OTOP1: variants seen among roughly 807,000 people sequenced by gnomAD.
The protein encoded by OTOP1 is proton channel OTOP1.
A neutral mutation model predicts 52.9 loss-of-function variants in OTOP1; 59 were observed. The observed-to-expected ratio is 1.12, with a 90% CI of 0.91 to 1.39. The LOEUF is 1.39. Ranked by LOEUF, OTOP1 falls within the 40% of genes most tolerant of loss-of-function variation. The pLI is 0.00. For synonymous variants in OTOP1, 317 were observed against 337.7 expected (o/e 0.94, Z 0.67); for missense variants, 761 against 800.9 (o/e 0.95, Z 0.60).
chr4:4,202,654 C>G (rs1716815577), intron 3 of OTOP1, 76 bp from the exon 4 acceptor site: 1 of 1,549,614 alleles, frequency 6.5e-7, no homozygotes, highest in African/African-American at 1.4e-5. Flanking sequence ...CAGACGTGTG[C>G]ACACAAATAC....
intron 1 of OTOP1, among the ~76,000 whole-genome samples, chr4:4,213,919 T>C (rs1401617979): frequency 1.3e-5 from 2 of 152,088 alleles, no homozygotes; most frequent in East Asian, 3.9e-4. Context: ...GTGAAACCCG[T>C]CTCTACTAAT....
At chr4:4,210,126 A>G (rs900228590) in intron 2 of OTOP1, among the ~76,000 whole-genome samples, 17 of 152,236 alleles carry the variant, frequency 1.1e-4, no homozygotes, top group Admixed American at 1.0e-3. Context: ...GGTGTGTGCC[A>G]TAGATTTTGC....
At chr4:4,199,648 T>G (rs1041827187) in intron 4 of OTOP1, among the ~76,000 whole-genome samples, 5 of 152,158 alleles carry the variant, frequency 3.3e-5, no homozygotes, top group Non-Finnish European at 5.9e-5. Flanking sequence ...CCTGAGCTCA[T>G]GAGATCCGCC....
At chr4:4,194,883 C>G (rs1716589150) in intron 5 of OTOP1, among the ~76,000 whole-genome samples, 1 of 152,152 alleles carries the variant, frequency 6.6e-6, no homozygotes, top group Admixed American at 6.5e-5. Flanking sequence ...TTAAAAAAAT[C>G]CCAACTGCAC....
intron 2 of OTOP1, among the ~76,000 whole-genome samples, chr4:4,208,456 A>G (rs1716955706): frequency 6.6e-6 from 1 of 152,220 alleles, no homozygotes; most frequent in African/African-American, 2.4e-5. Flanking sequence ...AAAAGGAAGA[A>G]AATTCTGATA....
chr4:4,201,856 G>A (rs897376757), intron 4 of OTOP1, among the ~76,000 whole-genome samples: 60 of 152,244 alleles, frequency 3.9e-4, no homozygotes, highest in African/African-American at 1.3e-3. Context: ...CCCTCAGCCT[G>A]AATGTTCTCA....
rs1383851463 is a variant in OTOP1, at chr4:4,219,990, T to C, written c.403+6472A>G. Among the ~76,000 whole-genome samples, 199 of 99,558 alleles carry C rather than the reference T, an allele frequency of 2.0e-3. 1 individual carries two copies. The highest frequency in any genetic ancestry group is 8.6e-3 in the African/African-American group (184 of 21,308). The allele number at this position is 99,558 out of a possible 152,430, so 65.3% of individuals were successfully genotyped here. On this transcript the variant is annotated intron_variant, in intron 1 of 5. Transcript: ENST00000296358. The stretch of plus-strand genomic sequence containing the variant: ...ACATATATACACATATATACGTATA[T>C]AGGTGTATATACATATATATGTATA...
chr4:4,196,273 CA>C (rs1716622010), intron 5 of OTOP1, among the ~76,000 whole-genome samples: 1 of 151,960 alleles, frequency 6.6e-6, no homozygotes, highest in Non-Finnish European at 1.5e-5. Context: ...AAGTTTTGGC[CA>C]GGCGTGGGAG....
At chr4:4,217,436 C>A (rs10001663) in intron 1 of OTOP1, among the ~76,000 whole-genome samples, 100 of 152,324 alleles carry the variant, frequency 6.6e-4, no homozygotes, top group African/African-American at 2.3e-3. Flanking sequence ...TTACTCCCAG[C>A]TAAGATGTCG....
rs151144007 is a variant in OTOP1, at chr4:4,199,220, T to TTGTGTG, written c.731-1123_731-1118dup. 8.0e-3 allele frequency among the ~76,000 whole-genome samples: 431 copies of TTGTGTG among 54,168 alleles called. 49 individuals are homozygous for TTGTGTG. Among genetic ancestry groups the TTGTGTG allele is most frequent in the African/African-American group, 0.032 (365 of 11,392 alleles). The allele number at this position is 54,168 out of a possible 152,430, so 35.5% of individuals were successfully genotyped here. A position where few individuals can be genotyped will look rare whatever the true frequency, so the allele number is the denominator to read the frequency against. ...TAATTTAAAAAAAACTCAGGTAAAA[T>TTGTGTG]TGTGTGTGTGTGTGAGAGAGAGAGA... On this transcript the variant is annotated intron_variant, in intron 4 of 5. Transcript: ENST00000296358.
intron 1 of OTOP1, among the ~76,000 whole-genome samples, chr4:4,221,987 C>T (rs1484060985): frequency 2.0e-5 from 3 of 152,134 alleles, no homozygotes; most frequent in African/African-American, 7.2e-5. Flanking sequence ...ATCTTCTTCC[C>T]TGGAGCTTCT....
At chr4:4,205,302 TTC>T (rs1716877258) in intron 3 of OTOP1, among the ~76,000 whole-genome samples, 1 of 152,214 alleles carries the variant, frequency 6.6e-6, no homozygotes, top group Admixed American at 6.5e-5. Flanking sequence ...AAATAGATTC[TTC>T]TCTACAATAC....
At chr4:4,221,259 T>A (rs1199745209) in intron 1 of OTOP1, among the ~76,000 whole-genome samples, 1 of 151,564 alleles carries the variant, frequency 6.6e-6, no homozygotes, top group Admixed American at 6.6e-5. Context: ...TCTACAAAAA[T>A]CAATTTTAAG....
Position 4,198,029 on chromosome 4 carries a change from A to G in OTOP1, c.805T>C (p.Tyr269His), listed in dbSNP as rs1226344100. The G allele has an allele frequency of 3.7e-6, 6 of 1,613,998 alleles. No individual in the cohort carries two copies. The highest frequency in any genetic ancestry group is 1.6e-4 in the Middle Eastern group (1 of 6,084). The change falls in exon 5 of 6, where the codon TAC becomes CAC. Residue 269 changes from tyrosine to histidine, a missense_variant. By Grantham distance (83) the Tyr-to-His change is moderately conservative. Around this residue, in one of 3 missense-constraint regions of OTOP1, gnomAD observed 632 missense variants for 619.5 expected, o/e 1.02. Coordinates refer to ENST00000296358, the MANE Select transcript of OTOP1 (RefSeq NM_177998.3). The stretch of plus-strand genomic sequence containing the variant: ...TACTCTATGTTGAAGGGGTAGAGGT[A>G]GTAGATCCCGTGGGAGATGGCAGTG... ...LCTAISHGIY[Y>H]LYPFNIEYQI...
chr4:4,215,522 G>T (rs1004714307), intron 1 of OTOP1, among the ~76,000 whole-genome samples: 1 of 152,010 alleles, frequency 6.6e-6, no homozygotes, highest in Non-Finnish European at 1.5e-5. Context: ...ATTAGCGGGT[G>T]TGGTGGTACA....
chr4:4,204,679 GC>G, intron 3 of OTOP1, among the ~76,000 whole-genome samples: 1 of 152,164 alleles, frequency 6.6e-6, no homozygotes, highest in South Asian at 2.1e-4. Flanking sequence ...GCTCTCATGA[GC>G]CATTTCTAAT....
intron 1 of OTOP1, among the ~76,000 whole-genome samples, chr4:4,223,013 C>A (rs569440684): frequency 6.6e-6 from 1 of 152,166 alleles, no homozygotes; most frequent in Non-Finnish European, 1.5e-5. Flanking sequence ...AGAAAGGTGA[C>A]GGTGATAGAG....
chr4:4,226,139 G>A (rs1193335654), intron 1 of OTOP1, among the ~76,000 whole-genome samples: 4 of 152,244 alleles, frequency 2.6e-5, no homozygotes, highest in Admixed American at 2.6e-4. Flanking sequence ...TGAGTGTCAG[G>A]AGAGGGAGCG....
At chr4:4,202,163 T>C (rs2920185) in intron 4 of OTOP1, among the ~76,000 whole-genome samples, 122,991 of 152,090 alleles carry the variant, frequency 0.81, 50,417 homozygotes, top group African/African-American at 0.94. Flanking sequence ...ACATTTATTT[T>C]TGCCGCAAAC....
Sources: allele counts gnomAD v4.1 joint callset (sites outside exome capture counted in the v4.1 genomes callset), GRCh38; gene constraint gnomAD v4.1.1; regional missense constraint gnomAD v4.1.1; transcripts MANE v1.5; gene names NCBI Gene and HGNC (gene_info 2026-07-23, HGNC 2026-07-21).